The following HMX1 variants were observed in gnomAD, a reference collection of about 807,000 sequenced individuals.
The protein encoded by HMX1 is H6 family homeobox 1.
A neutral mutation model predicts 8.9 loss-of-function variants in HMX1; 8 were observed. The ratio of observed to expected loss-of-function variants is 0.90; its 90% CI spans 0.53 to 1.63. The LOEUF (loss-of-function observed/expected upper bound fraction) is 1.63. Among genes scored for constraint, HMX1 ranks in the 40% most tolerant of loss-of-function variants. The pLI, the probability that HMX1 is intolerant of heterozygous loss-of-function variation, is 0.00. For missense variants in HMX1, 621 were observed against 558.5 expected (o/e 1.11, Z -1.13); for synonymous variants, 311 against 283.4 (o/e 1.10, Z -0.98).
chr4:8,865,381 G>A (rs142125974), downstream of HMX1, among the ~76,000 whole-genome samples: 5,752 of 152,274 alleles, frequency 0.038, 359 homozygotes, highest in African/African-American at 0.12. Flanking sequence ...GCCAGTCTGA[G>A]TAGCATCGCC....
rs1721384423 is a variant in HMX1 at position 8,849,654 on chromosome 4, C to T, written c.395-3330G>A. Among the ~76,000 whole-genome samples the T allele has an allele frequency of 6.6e-6, 1 of 152,012 alleles. No individual in the cohort carries two copies. Among genetic ancestry groups the T allele is most frequent in the African/African-American group, 2.4e-5 (1 of 41,378 alleles). On this transcript the variant is annotated intron_variant, in intron 1 of 1. Transcript: ENST00000506970. The surrounding 1 kb of genome is among the most constrained non-coding windows in gnomAD (Gnocchi z 6.6). ...ACACGCAGGGCAGCTCTCCTGGGGT[C>T]CCCCCGGCCCCAGCGTGCGGTCTTC...
At chr4:8,861,709 G>A (rs1287252592) in intron 1 of HMX1, among the ~76,000 whole-genome samples, 1 of 150,652 alleles carries the variant, frequency 6.6e-6, no homozygotes, top group East Asian at 1.9e-4. Context: ...GGCCTGGGGC[G>A]CCGTCGTTCC....
intron 1 of HMX1, among the ~76,000 whole-genome samples, chr4:8,857,997 A>G (rs765560261): frequency 1.3e-5 from 2 of 151,880 alleles, no homozygotes; most frequent in Admixed American, 1.3e-4. Flanking sequence ...GTGGCTTTTA[A>G]CGAAAAAGAA....
Position 8,867,742 on chromosome 4 carries a change from G to A in HMX1, c.998C>T (p.Ala333Val). The A allele has an allele frequency of 1.5e-6, 2 of 1,290,902 alleles. No individual in the cohort carries two copies. The highest frequency in any genetic ancestry group is 3.7e-5 in the Admixed American group (1 of 27,210). 80.0% of individuals were successfully genotyped at this position (1,290,902 alleles called of 1,614,324 possible). A position where few individuals can be genotyped will look rare whatever the true frequency, so the allele number is the denominator to read the frequency against. ...ALAYPLAAFPAAASVPFLRAQ... is the reference protein window; with the variant it reads ...ALAYPLAAFPVAASVPFLRAQ... The stretch of plus-strand genomic sequence containing the variant: ...CCGCAGAAAGGGCACGGAGGCGGCG[G>A]CCGGGAAGGCGGCCAGCGGGTAGGC... The change falls in exon 2 of 2, where the codon GCC becomes GTC. Residue 333 changes from alanine (A) to valine (V), a missense_variant. Transcript: ENST00000400677.
chr4:8,866,701 G>C (rs564815492), downstream of HMX1, among the ~76,000 whole-genome samples: 16 of 152,330 alleles, frequency 1.1e-4, no homozygotes, highest in South Asian at 3.3e-3. Flanking sequence ...CTGTGCACAC[G>C]GGGCGCCACA....
In HMX1 at chr4:8,867,870, G is replaced by C; in HGVS notation, c.870C>G (p.Pro290=). The C allele has an allele frequency of 1.6e-6, 2 of 1,265,956 alleles. No homozygotes were observed. The highest frequency in any genetic ancestry group is 9.9e-7 in the Non-Finnish European group (1 of 1,007,712). The allele number at this position is 1,265,956 out of a possible 1,614,324, so 78.4% of individuals were successfully genotyped here. A position where few individuals can be genotyped will look rare whatever the true frequency, so the allele number is the denominator to read the frequency against. ...GGGGCCCAGCGGCGGCTGCGGCCGG[G>C]GGGCTTTCGTGGTAGAGCACCGGCA... ...VRVPVLYHES[P]PAAAAAGPPA... The change falls in exon 2 of 2, where the codon CCC becomes CCG. Residue 290 remains proline (P), a synonymous_variant. Coordinates refer to ENST00000400677, the MANE Select transcript of HMX1 (RefSeq NM_018942.3).
rs1337490449 is a variant in HMX1, at chr4:8,853,063, T to C, written c.395-6739A>G. On this transcript the variant is annotated intron_variant, in intron 1 of 1. Transcript: ENST00000506970. This position sits in a 1 kb window ranked among gnomAD's most constrained non-coding sequence, Gnocchi z 4.7. ...GCCCTGGGCTGCCCACCTCCCACTG[T>C]GGTCAGTGCCCTGTCAGCAGCCAAA... Among the ~76,000 whole-genome samples, 1 of 151,976 alleles carries C rather than the reference T, an allele frequency of 6.6e-6. No individual in the cohort carries two copies. Among genetic ancestry groups the C allele is most frequent in the East Asian group, 1.9e-4 (1 of 5,178 alleles).
At position 8,868,504 on chromosome 4, in the gene HMX1, T is replaced by C. The variant is rs1229748007; in HGVS notation, c.395-159A>G. ...CCCAGCAGCTCTGGGGATGCACACA[T>C]TGTCAGAACCGTGGGAGGCGGCCCA... On this transcript the variant is annotated intron_variant, in intron 1 of 1. Coordinates refer to ENST00000400677, the MANE Select transcript of HMX1 (RefSeq NM_018942.3). This position sits in a 1 kb window ranked among gnomAD's most constrained non-coding sequence, Gnocchi z 4.6. Among the ~76,000 whole-genome samples, 3 of 152,006 alleles carry C rather than the reference T, an allele frequency of 2.0e-5. No individual in the cohort carries two copies. The highest frequency in any genetic ancestry group is 7.2e-5 in the African/African-American group (3 of 41,382).
intron 1 of HMX1, among the ~76,000 whole-genome samples, chr4:8,846,540 C>T (rs1261853021): frequency 6.6e-6 from 1 of 152,190 alleles, no homozygotes. Flanking sequence ...AGCTGGGAAC[C>T]CAGGTGTAAC....
At chr4:8,857,649 C>G (rs549683873) in intron 1 of HMX1, among the ~76,000 whole-genome samples, 1 of 152,364 alleles carries the variant, frequency 6.6e-6, no homozygotes, top group Non-Finnish European at 1.5e-5. Flanking sequence ...AGGGGTCTCC[C>G]AGCTTCCGGA....
Position 8,847,150 on chromosome 4 carries a change from C to T in HMX1, c.395-826G>A, listed in dbSNP as rs1319531790. On this transcript the variant is annotated intron_variant, in intron 1 of 1. Coordinates refer to the HMX1 transcript ENST00000506970. This position sits in a 1 kb window ranked among gnomAD's most constrained non-coding sequence, Gnocchi z 6.0. Reference sequence around the variant, plus strand: ...AAAGTCTACAAATAAAAGTACAAAGCCATTGAGCCGGGCGTGGTGAGGGAT... The same window carrying T: ...AAAGTCTACAAATAAAAGTACAAAGTCATTGAGCCGGGCGTGGTGAGGGAT... Among the ~76,000 whole-genome samples the T allele has an allele frequency of 6.6e-6, 1 of 152,134 alleles. No homozygotes were observed.
At position 8,871,144 on chromosome 4, in the gene HMX1, C is replaced by A. The variant is rs1047617547; in HGVS notation, c.394+77G>T. 3.2e-6 allele frequency: 4 copies of A among 1,265,540 alleles called. No homozygotes were observed. In the African/African-American group the frequency reaches 4.8e-5, roughly 15 times the overall value. The allele number at this position is 1,265,540 out of a possible 1,614,324, so 78.4% of individuals were successfully genotyped here. A position where few individuals can be genotyped will look rare whatever the true frequency, so the allele number is the denominator to read the frequency against. On this transcript the variant is annotated intron_variant, in intron 1 of 1. Coordinates refer to ENST00000400677, the MANE Select transcript of HMX1 (RefSeq NM_018942.3). This position sits in a 1 kb window ranked among gnomAD's most constrained non-coding sequence, Gnocchi z 4.8. ...TGGCCCAGAACGGGCGGCGACGAGC[C>A]CGAAGTCCCCCAGCAAATGCGCAGG...
rs554745093 is a variant in HMX1, at chr4:8,870,642, C to A, written c.394+579G>T. Among the ~76,000 whole-genome samples, 140 of 152,118 alleles carry A rather than the reference C, an allele frequency of 9.2e-4. No homozygotes were observed. The highest frequency in any genetic ancestry group is 3.1e-3 in the African/African-American group (129 of 41,528). ...GGCACAGCTGCCATGTTAGATGGCT[C>A]CCCTCCCCGGCCCCACCCCCACAAC... On this transcript the variant is annotated intron_variant, in intron 1 of 1. Coordinates refer to ENST00000400677, the MANE Select transcript of HMX1 (RefSeq NM_018942.3). The surrounding 1 kb of genome is among the most constrained non-coding windows in gnomAD (Gnocchi z 4.4).
chr4:8,851,065 A>G (rs1287523727), intron 1 of HMX1, among the ~76,000 whole-genome samples: 3 of 152,238 alleles, frequency 2.0e-5, no homozygotes, highest in Non-Finnish European at 4.4e-5. Flanking sequence ...CGGCATTCCC[A>G]TTTGCAAACA....
rs1164168565 is a variant in HMX1 at position 8,871,360 on chromosome 4, C to T, written c.255G>A (p.Ala85=). The change falls in exon 1 of 2, where the codon GCG becomes GCA. Residue 85 remains alanine (A), a synonymous_variant. Transcript: ENST00000400677. The surrounding 1 kb of genome is among the most constrained non-coding windows in gnomAD (Gnocchi z 4.8). ...TGPGGEARAR[A]LLGPGALGLG... ...GGCCCAGCGCGCCCGGCCCGAGCAG[C>T]GCACGGGCCCGCGCCTCCCCGCCGG... 19 of 1,238,084 alleles carry T rather than the reference C, an allele frequency of 1.5e-5. No homozygotes were observed. Among genetic ancestry groups the T allele is most frequent in the Non-Finnish European group, 1.9e-5 (19 of 991,188 alleles). The allele number at this position is 1,238,084 out of a possible 1,614,324, so 76.7% of individuals were successfully genotyped here. A position where few individuals can be genotyped will look rare whatever the true frequency, so the allele number is the denominator to read the frequency against.
downstream of HMX1, among the ~76,000 whole-genome samples, chr4:8,864,163 C>T (rs1721918174): frequency 6.6e-6 from 1 of 152,240 alleles, no homozygotes; most frequent in Non-Finnish European, 1.5e-5. Context: ...GTTGGCCTCA[C>T]TCAAATCACA....
At chr4:8,856,115 C>T (rs188076798) in intron 1 of HMX1, among the ~76,000 whole-genome samples, 2 of 152,318 alleles carry the variant, frequency 1.3e-5, no homozygotes, top group African/African-American at 4.8e-5. Context: ...GCTGTGAGCG[C>T]TGGACCGTCT....
downstream of HMX1, among the ~76,000 whole-genome samples, chr4:8,864,142 AG>A (rs1409244204): frequency 3.3e-5 from 5 of 152,124 alleles, no homozygotes; most frequent in African/African-American, 1.2e-4. Context: ...GGAGCTGGGG[AG>A]GGATGTCCTG....
At chr4:8,846,370 C>T (rs1721276022) in intron 1 of HMX1, 1 of 1,412,342 alleles carries the variant, frequency 7.1e-7, no homozygotes, top group Non-Finnish European at 9.6e-7. Context: ...GTCATGTCTG[C>T]ACAAGGTGTC....
Sources: gnomAD v4.1 joint callset for allele counts (sites outside exome capture counted in the v4.1 genomes callset) on GRCh38, gnomAD v4.1.1 for gene constraint, Gnocchi (gnomAD v3.1) non-coding constraint, MANE v1.5 for transcripts, NCBI Gene and HGNC (gene_info 2026-07-23, HGNC 2026-07-21) for gene names.